Variants in ZEB1 observed in about 807,000 individuals in gnomAD.
The protein encoded by ZEB1 is zinc finger E-box binding homeobox 1.
ZEB1 carries 21 observed loss-of-function variants against 84.9 expected under a neutral mutation model. That is an observed-to-expected ratio of 0.25 (90% confidence interval 0.18 to 0.36). The LOEUF (loss-of-function observed/expected upper bound fraction) is 0.36, where lower values mean the gene tolerates loss of function less well. Ranked by LOEUF, ZEB1 falls within the 10% of genes least tolerant of loss-of-function variation. ZEB1 has a pLI of 1.00. For synonymous variants in ZEB1, 420 were observed against 471.1 expected, an observed-to-expected ratio of 0.89 and a Z score of 1.41; for missense variants, 1,104 against 1,330.2, an observed-to-expected ratio of 0.83 and a Z score of 2.65.
chr10:31,325,433 T>C (rs2035250691), intron 1 of ZEB1, among the ~76,000 whole-genome samples: 1 of 152,086 alleles, frequency 6.6e-6, no homozygotes, highest in Non-Finnish European at 1.5e-5. Context: ...CCTCTATACA[T>C]AGGGATTGCA....
chr10:31,467,282 A>C (rs1401318263), intron 2 of ZEB1, among the ~76,000 whole-genome samples: 1 of 152,290 alleles, frequency 6.6e-6, no homozygotes. Flanking sequence ...CAAGGAGCCC[A>C]AAAGCCTTCA....
At chr10:31,507,780 A>T (rs1455954524) in intron 4 of ZEB1, among the ~76,000 whole-genome samples, 1 of 151,732 alleles carries the variant, frequency 6.6e-6, no homozygotes, top group Admixed American at 6.6e-5. Context: ...TATCTCACTT[A>T]GCTTTTATAA....
chr10:31,508,305 T>A (rs574789525), intron 4 of ZEB1, among the ~76,000 whole-genome samples: 1 of 152,236 alleles, frequency 6.6e-6, no homozygotes, highest in African/African-American at 2.4e-5. Flanking sequence ...GTGGCAGTGG[T>A]AAGCTGGGCA....
At chr10:31,513,160 G>T (rs1592017017) in intron 5 of ZEB1, among the ~76,000 whole-genome samples, 1 of 152,130 alleles carries the variant, frequency 6.6e-6, no homozygotes, top group African/African-American at 2.4e-5. Context: ...AGAGGCTTTT[G>T]CTGTAATCTA....
At chr10:31,453,982 C>G (rs913118362) in intron 1 of ZEB1, among the ~76,000 whole-genome samples, 2 of 152,072 alleles carry the variant, frequency 1.3e-5, no homozygotes, top group African/African-American at 2.4e-5. Flanking sequence ...GCCAGTATCC[C>G]TGATGAACAT....
intron 1 of ZEB1, among the ~76,000 whole-genome samples, chr10:31,342,219 A>T (rs1259326048): frequency 6.6e-6 from 1 of 152,176 alleles, no homozygotes; most frequent in African/African-American, 2.4e-5. Context: ...AATATGAGAT[A>T]CATACTATTA....
At chr10:31,445,997 GT>G (rs1205934481) in intron 1 of ZEB1, among the ~76,000 whole-genome samples, 2 of 132,840 alleles carry the variant, frequency 1.5e-5, no homozygotes. Context: ...AATGGTACCA[GT>G]TCCTCCTTGT....
At position 31,418,220 on chromosome 10, in the gene ZEB1, G is replaced by A. The variant is rs575596677; in HGVS notation, c.59-42817G>A. 2.6e-5 allele frequency among the ~76,000 whole-genome samples: 4 copies of A among 151,980 alleles called. No individual in the cohort carries two copies. In the East Asian group the frequency reaches 7.8e-4, roughly 30 times the overall value. ...ATGTAGGAATGCCAGCGCCACCTCT[G>A]AGAGGAAGGGATGGCTAAACAGAGG... On this transcript the variant is annotated intron_variant, in intron 1 of 8. Transcript: ENST00000424869.
chr10:31,405,409 A>G (rs1003698690), intron 1 of ZEB1, among the ~76,000 whole-genome samples: 1 of 152,190 alleles, frequency 6.6e-6, no homozygotes, highest in Non-Finnish European at 1.5e-5. Flanking sequence ...ATTACCTACT[A>G]CGTGCTGGGC....
chr10:31,349,489 C>T (rs1403241605), intron 1 of ZEB1, among the ~76,000 whole-genome samples: 1 of 152,058 alleles, frequency 6.6e-6, no homozygotes, highest in Non-Finnish European at 1.5e-5. Context: ...TTTTGAGGAC[C>T]CTCCATACTG....
At chr10:31,350,219 A>G (rs779441595) in intron 1 of ZEB1, among the ~76,000 whole-genome samples, 3 of 152,144 alleles carry the variant, frequency 2.0e-5, no homozygotes, top group South Asian at 2.1e-4. Flanking sequence ...TTGAAAATCA[A>G]TTGACCATAA....
At chr10:31,400,206 C>T (rs1257693641) in intron 1 of ZEB1, among the ~76,000 whole-genome samples, 1 of 152,080 alleles carries the variant, frequency 6.6e-6, no homozygotes, top group Non-Finnish European at 1.5e-5. Context: ...CCTTTGTTCA[C>T]TGGTCTGTCC....
Position 31,440,334 on chromosome 10 carries a change from A to G in ZEB1, c.59-20703A>G, listed in dbSNP as rs562392685. Among the ~76,000 whole-genome samples the G allele has an allele frequency of 7.0e-3, 1,059 of 152,322 alleles. 10 individuals carry two copies. The highest frequency in any genetic ancestry group is 0.023 in the African/African-American group (971 of 41,560). On this transcript the variant is annotated intron_variant, in intron 1 of 8. Coordinates refer to ENST00000424869, the MANE Select transcript of ZEB1 (RefSeq NM_001174096.2). ...ATGATTATCTCAATAGATGCAGAAA[A>G]GGCCTTTGACAAAATTCAACAGCCC...
chr10:31,435,382 G>A (rs990385190), intron 1 of ZEB1, among the ~76,000 whole-genome samples: 1 of 152,226 alleles, frequency 6.6e-6, no homozygotes, highest in African/African-American at 2.4e-5. Flanking sequence ...GCCTCTTAGG[G>A]ATATGTCAGT....
chr10:31,465,387 G>A (rs1020398420), intron 2 of ZEB1, among the ~76,000 whole-genome samples: 1 of 151,550 alleles, frequency 6.6e-6, no homozygotes, highest in Non-Finnish European at 1.5e-5. Flanking sequence ...AATGGTTTTT[G>A]TAAGCCTTTT....
At chr10:31,408,913 A>G (rs2053672049) in intron 1 of ZEB1, among the ~76,000 whole-genome samples, 1 of 150,302 alleles carries the variant, frequency 6.7e-6, no homozygotes, top group Non-Finnish European at 1.5e-5. Context: ...ATTAAACTAA[A>G]GAGCTTCTGC....
At chr10:31,476,001 T>G (rs888386676) in intron 2 of ZEB1, among the ~76,000 whole-genome samples, 1 of 151,792 alleles carries the variant, frequency 6.6e-6, no homozygotes, top group Non-Finnish European at 1.5e-5. Flanking sequence ...GCAAATTGGA[T>G]AAAAGAAGCA....
rs534956828 is a variant in ZEB1 at position 31,328,884 on chromosome 10, C to G, written c.58+9592C>G. Among the ~76,000 whole-genome samples the G allele has an allele frequency of 2.6e-5, 4 of 152,070 alleles. No individual in the cohort carries two copies. The South Asian group carries it at 8.3e-4, about 32-fold the overall frequency. ...AGTCTAAGCAACATGGAGTCTGCAC[C>G]TTCTCATATATCCATTTGGCTGGGA... On this transcript the variant is annotated intron_variant, in intron 1 of 8. Transcript: ENST00000424869.
chr10:31,415,205 A>G (rs2055001444), intron 1 of ZEB1, among the ~76,000 whole-genome samples: 1 of 152,138 alleles, frequency 6.6e-6, no homozygotes, highest in Non-Finnish European at 1.5e-5. Context: ...TAACTGTTCG[A>G]CAGAGAGAGA....
Sources: allele counts gnomAD v4.1 joint callset (sites outside exome capture counted in the v4.1 genomes callset), GRCh38; gene constraint gnomAD v4.1.1; transcripts MANE v1.5; gene names NCBI Gene and HGNC (gene_info 2026-07-23, HGNC 2026-07-21).